ATRNL1: variants seen among roughly 807,000 people sequenced by gnomAD.
ATRNL1 encodes attractin-like protein 1.
Under a neutral mutation model 182.7 loss-of-function variants are expected in ATRNL1, and 95 were observed. The observed-to-expected ratio is 0.52, with a 90% CI of 0.44 to 0.62. The LOEUF (loss-of-function observed/expected upper bound fraction) is 0.62. Among genes scored for constraint, ATRNL1 ranks in the 20% least tolerant of loss-of-function variants. ATRNL1 has a pLI of 0.00. For synonymous variants in ATRNL1, 576 were observed against 568.3 expected (o/e 1.01, Z -0.19); for missense variants, 1,471 against 1,679.5 (o/e 0.88, Z 2.17).
At chr10:115,371,052 T>C (rs7896027) in intron 19 of ATRNL1, among the ~76,000 whole-genome samples, 1,968 of 152,312 alleles carry the variant, frequency 0.013, 38 homozygotes, top group African/African-American at 0.044. Context: ...AGCCCCAAGC[T>C]GTGGCAACTT....
At chr10:115,679,949 C>T (rs1555044172) in intron 26 of ATRNL1, among the ~76,000 whole-genome samples, 1 of 152,126 alleles carries the variant, frequency 6.6e-6, no homozygotes, top group Non-Finnish European at 1.5e-5. Context: ...CCATTATCTT[C>T]TCCTAGAACT....
intron 26 of ATRNL1, among the ~76,000 whole-genome samples, chr10:115,588,414 G>C (rs1231559633): frequency 6.6e-6 from 1 of 152,170 alleles, no homozygotes; most frequent in Non-Finnish European, 1.5e-5. Context: ...ACCATAGAAT[G>C]GCAATATGTG....
At chr10:115,790,093 A>T (rs1208037480) in intron 27 of ATRNL1, among the ~76,000 whole-genome samples, 2 of 152,010 alleles carry the variant, frequency 1.3e-5, no homozygotes, top group Admixed American at 1.3e-4. Flanking sequence ...TTTTTCAGAC[A>T]CATTTTCTTG....
At chr10:115,782,447 A>G (rs1013426433) in intron 27 of ATRNL1, among the ~76,000 whole-genome samples, 3 of 152,204 alleles carry the variant, frequency 2.0e-5, no homozygotes, top group Non-Finnish European at 4.4e-5. Context: ...GTGTTGATGC[A>G]ATCACAACTT....
At chr10:115,762,576 G>A (rs568960723) in intron 27 of ATRNL1, among the ~76,000 whole-genome samples, 16 of 152,194 alleles carry the variant, frequency 1.1e-4, no homozygotes, top group South Asian at 4.1e-4. Context: ...ACTGAAATCT[G>A]CCATGTAATT....
chr10:115,714,218 TAGGACCTTTTCCTTAGTTCAGCTAAA>T (rs1947177871), intron 26 of ATRNL1, among the ~76,000 whole-genome samples: 1 of 152,158 alleles, frequency 6.6e-6, no homozygotes, highest in Non-Finnish European at 1.5e-5. Context: ...GATGATGTTG[TAGGACCTTTTCCTTAGTTCAGCTAAA>T]AATGGGGTCC....
intron 26 of ATRNL1, among the ~76,000 whole-genome samples, chr10:115,703,183 G>A (rs557600897): frequency 6.6e-6 from 1 of 151,908 alleles, no homozygotes; most frequent in Non-Finnish European, 1.5e-5. Context: ...TCAATAAATG[G>A]TGCTGGCATA....
intron 17 of ATRNL1, among the ~76,000 whole-genome samples, chr10:115,311,573 A>G (rs1272351832): frequency 6.6e-6 from 1 of 150,680 alleles, no homozygotes; most frequent in Non-Finnish European, 1.5e-5. Context: ...GCTGATGAGA[A>G]GAATGCATAT....
At chr10:115,318,205 G>A (rs1854400550) in intron 18 of ATRNL1, among the ~76,000 whole-genome samples, 1 of 152,132 alleles carries the variant, frequency 6.6e-6, no homozygotes, top group South Asian at 2.1e-4. Context: ...TTATTGATTT[G>A]CATATGTTGA....
At chr10:115,613,706 T>TTA in intron 26 of ATRNL1, among the ~76,000 whole-genome samples, 1 of 152,258 alleles carries the variant, frequency 6.6e-6, no homozygotes, top group South Asian at 2.1e-4. Context: ...GTTACTGATT[T>TTA]TATATATGTT....
At chr10:115,277,038 A>G (rs1343116845) in intron 13 of ATRNL1, among the ~76,000 whole-genome samples, 59 of 152,082 alleles carry the variant, frequency 3.9e-4, no homozygotes, top group Admixed American at 3.9e-3. Flanking sequence ...AGGTTATTTT[A>G]TTTATCTGAT....
intron 15 of ATRNL1, among the ~76,000 whole-genome samples, chr10:115,295,065 G>C (rs1853110812): frequency 6.6e-6 from 1 of 152,148 alleles, no homozygotes; most frequent in South Asian, 2.1e-4. Context: ...GGCTGACCTG[G>C]GGGCTTGCCT....
intron 18 of ATRNL1, among the ~76,000 whole-genome samples, chr10:115,327,672 A>G (rs1279698262): frequency 2.6e-5 from 4 of 150,972 alleles, no homozygotes; most frequent in South Asian, 2.1e-4. Flanking sequence ...AATAGCAAAG[A>G]CTTGGAACCA....
intron 27 of ATRNL1, among the ~76,000 whole-genome samples, chr10:115,845,783 G>T (rs1302668463): frequency 6.6e-6 from 1 of 151,642 alleles, no homozygotes; most frequent in Non-Finnish European, 1.5e-5. Context: ...ACAAAGAAAA[G>T]CTTGCCCGTT....
At chr10:115,370,501 A>T (rs1186748783) in intron 19 of ATRNL1, among the ~76,000 whole-genome samples, 3 of 152,180 alleles carry the variant, frequency 2.0e-5, no homozygotes, top group African/African-American at 7.2e-5. Context: ...CTTGTTGGGA[A>T]CTGGAGCAGA....
chr10:115,159,924 A>G, intron 5 of ATRNL1, 116 bp from the exon 6 acceptor site: 1 of 680,560 alleles, frequency 1.5e-6, no homozygotes, highest in Non-Finnish European at 2.2e-6. Context: ...ATTTATGTAT[A>G]TATTTGTTAA....
intron 26 of ATRNL1, among the ~76,000 whole-genome samples, chr10:115,680,045 C>CT (rs1352562407): frequency 2.6e-5 from 4 of 152,044 alleles, no homozygotes; most frequent in African/African-American, 7.2e-5. Flanking sequence ...ACATAGATTG[C>CT]TAGCTCTTCA....
intron 25 of ATRNL1, among the ~76,000 whole-genome samples, chr10:115,541,999 A>G (rs1459754136): frequency 2.6e-5 from 4 of 152,210 alleles, no homozygotes. Flanking sequence ...TATGGTTTTA[A>G]AAGATGTGCT....
chr10:115,317,520 A>G (rs538214071), intron 18 of ATRNL1, among the ~76,000 whole-genome samples: 12 of 152,220 alleles, frequency 7.9e-5, no homozygotes, highest in Admixed American at 1.3e-4. Context: ...CTTCCTCTCC[A>G]TGAGATAGAA....
Sources: allele counts gnomAD v4.1 joint callset (sites outside exome capture counted in the v4.1 genomes callset), GRCh38; gene constraint gnomAD v4.1.1; transcripts MANE v1.5; gene names NCBI Gene and HGNC (gene_info 2026-07-23, HGNC 2026-07-21).